A3GALT2: variants seen among roughly 807,000 people sequenced by gnomAD.
A3GALT2 encodes the protein alpha 1,3-galactosyltransferase 2, also known as alpha-1,3-galactosyltransferase 2.
Under a neutral mutation model 16.6 loss-of-function variants are expected in A3GALT2, and 14 were observed. That is an observed-to-expected ratio of 0.84 (90% CI 0.56 to 1.32). The LOEUF (loss-of-function observed/expected upper bound fraction) is 1.32, where lower values mean the gene tolerates loss of function less well. Among genes scored for constraint, A3GALT2 ranks in the 40% most tolerant of loss-of-function variants. The pLI, the probability that A3GALT2 is intolerant of heterozygous loss-of-function variation, is 0.00. For synonymous variants in A3GALT2, 253 were observed against 218.0 expected (o/e 1.16, Z -1.42); for missense variants, 600 against 490.9 (o/e 1.22, Z -2.10).
chr1:33,311,821 A>C (rs1191531413), intron 4 of A3GALT2, among the ~76,000 whole-genome samples: 2 of 152,220 alleles, frequency 1.3e-5, no homozygotes, highest in African/African-American at 4.8e-5. Context: ...TGGTTCTAGA[A>C]CAGCCCTGGC....
chr1:33,308,752 T>TTG (rs1646216727), intron 4 of A3GALT2, among the ~76,000 whole-genome samples: 1 of 72,064 alleles, frequency 1.4e-5, no homozygotes, highest in Non-Finnish European at 2.5e-5. Flanking sequence ...TCAAAGTTGT[T>TTG]TTTTTTTTTT....
intron 1 of A3GALT2, chr1:33,313,767 C>T (rs1029809716): frequency 6.6e-6 from 1 of 152,288 alleles, no homozygotes; most frequent in African/African-American, 2.4e-5. Flanking sequence ...AATCCCAGCT[C>T]CACCACTCAT....
rs1646281373 is a variant in A3GALT2 at position 33,320,548 on chromosome 1, G to T, written c.23+528C>A. 6.6e-6 allele frequency among the ~76,000 whole-genome samples: 1 copy of T among 151,998 alleles called. No individual in the cohort carries two copies. The highest frequency in any genetic ancestry group is 2.4e-5 in the African/African-American group (1 of 41,448). ...CGTGGTCTGTGGAGGCCCCTGATCAGTCCACTCCTCCACATTTCTTGTTCA... is the reference window on the plus strand; with the variant it reads ...CGTGGTCTGTGGAGGCCCCTGATCATTCCACTCCTCCACATTTCTTGTTCA... On this transcript the variant is annotated intron_variant, in intron 1 of 4. Transcript: ENST00000442999. This position sits in a 1 kb window ranked among gnomAD's most constrained non-coding sequence, Gnocchi z 4.3.
At position 33,321,086 on chromosome 1, in the gene A3GALT2, CCTT is replaced by C. The variant is rs1409939938; in HGVS notation, c.10_12del (p.Lys4del). 2 of 1,613,014 alleles carry C rather than the reference CCTT, an allele frequency of 1.2e-6. No homozygotes were observed. Among genetic ancestry groups the C allele is most frequent in the Non-Finnish European group, 1.7e-6 (2 of 1,179,866 alleles). ...ATTGTCCCCCCTCACCTGAGTCCCT[CCTT>C]GAGAGCCATATGGGGAAGCAGGTAG... On this transcript the variant is annotated inframe_deletion, in exon 1 of 5. Coordinates refer to ENST00000442999, the MANE Select transcript of A3GALT2 (RefSeq NM_001080438.1).
chr1:33,309,705 AG>A (rs1399084809), intron 4 of A3GALT2, among the ~76,000 whole-genome samples: 2 of 135,102 alleles, frequency 1.5e-5, no homozygotes, highest in Admixed American at 1.5e-4. Context: ...CATCCCAGAA[AG>A]GGCGGCGGGG....
chr1:33,316,372 G>A (rs1445075669), intron 1 of A3GALT2, among the ~76,000 whole-genome samples: 3 of 152,094 alleles, frequency 2.0e-5, no homozygotes, highest in African/African-American at 4.8e-5. Context: ...GGGTCATGGG[G>A]AGCCCTGAAA....
Position 33,306,968 on chromosome 1 carries a change from C to T in A3GALT2, c.821G>A (p.Gly274Glu). The T allele has an allele frequency of 6.7e-7, 1 of 1,492,330 alleles. No homozygotes were observed. The allele number at this position is 1,492,330 out of a possible 1,614,324, so 92.4% of individuals were successfully genotyped here. Reference sequence around the variant, plus strand: ...GCGCGCGCGGTCCCAGTCCAGGCCCCCCGCACAGTGCGCCGTCAGCCCGCG... The same window carrying T: ...GCGCGCGCGGTCCCAGTCCAGGCCCTCCGCACAGTGCGCCGTCAGCCCGCG... Reference protein sequence around the residue: ...ALRGLTAHCAGGLDWDRARGL... With the variant: ...ALRGLTAHCAEGLDWDRARGL... Residue 274 changes from glycine to glutamate, a missense_variant, in exon 5 of 5, where the codon GGG becomes GAG. Physicochemically the swap from Gly to Glu is moderately conservative, Grantham distance 98. Coordinates refer to ENST00000442999, the MANE Select transcript of A3GALT2 (RefSeq NM_001080438.1).
At chr1:33,311,542 T>C (rs72658217) in intron 4 of A3GALT2, among the ~76,000 whole-genome samples, 14,788 of 152,222 alleles carry the variant, frequency 0.097, 1,017 homozygotes, top group East Asian at 0.27. Flanking sequence ...CTCTGCCCAG[T>C]TCAGATTCAC....
At position 33,306,878 on chromosome 1, in the gene A3GALT2, GC is replaced by G; in HGVS notation, c.910del (p.Ala304ProfsTer?). ...GCAGAACTCGGGCGACAGCACCTTG[GC>G]GGGCTTGTGCAGCCAGAAGAACTTG... is the stretch of plus-strand genomic sequence containing the variant. ...LNKFFWLHKP[A>X]KVLSPEFCWS... On this transcript the variant is annotated frameshift_variant, in exon 5 of 5. Transcript: ENST00000442999. LOFTEE classifies it low-confidence loss of function (END_TRUNC). 6.6e-7 allele frequency: 1 copy of G among 1,520,066 alleles called. No homozygotes were observed. Among genetic ancestry groups the G allele is most frequent in the South Asian group, 1.2e-5 (1 of 81,452 alleles). 94.2% of individuals were successfully genotyped at this position (1,520,066 alleles called of 1,614,324 possible).
intron 4 of A3GALT2, among the ~76,000 whole-genome samples, chr1:33,309,810 A>G (rs1336643929): frequency 2.7e-5 from 4 of 147,574 alleles, no homozygotes; most frequent in Non-Finnish European, 6.0e-5. Context: ...GGCGCTCCTC[A>G]CTTCCCAGAC....
intron 4 of A3GALT2, among the ~76,000 whole-genome samples, chr1:33,309,310 G>A (rs1367915196): frequency 6.6e-6 from 1 of 152,198 alleles, no homozygotes; most frequent in East Asian, 1.9e-4. Context: ...TGGCGGCCAG[G>A]CAGAGGGGCT....
intron 1 of A3GALT2, 59 bp from the exon 2 acceptor site, chr1:33,312,949 A>G (rs560872065): frequency 7.1e-6 from 9 of 1,268,124 alleles, no homozygotes; most frequent in Admixed American, 2.0e-5. Context: ...AAATATTTAT[A>G]TGCACACATA....
intron 4 of A3GALT2, among the ~76,000 whole-genome samples, chr1:33,310,828 A>G (rs966264237): frequency 6.6e-6 from 1 of 152,218 alleles, no homozygotes; most frequent in African/African-American, 2.4e-5. Context: ...CTGGGGCAGG[A>G]ACGCCCTACT....
At chr1:33,308,762 T>TG (rs1646217112) in intron 4 of A3GALT2, among the ~76,000 whole-genome samples, 7 of 111,822 alleles carry the variant, frequency 6.3e-5, no homozygotes, top group African/African-American at 3.6e-4. Flanking sequence ...TTTTTTTTTT[T>TG]TTTTTTTTTT....
chr1:33,308,251 A>G (rs549865073), intron 4 of A3GALT2, among the ~76,000 whole-genome samples: 5 of 150,710 alleles, frequency 3.3e-5, no homozygotes, highest in African/African-American at 4.9e-5. Flanking sequence ...AAGCCTCCAT[A>G]TAAGAAGTCC....
chr1:33,310,125 A>G lies in A3GALT2; in HGVS notation c.335+1927T>C, dbSNP rs565661163. 2.8e-3 allele frequency among the ~76,000 whole-genome samples: 433 copies of G among 152,388 alleles called. 1 individual carries two copies. Among genetic ancestry groups the G allele is most frequent in the Non-Finnish European group, 4.5e-3 (307 of 68,040 alleles). On this transcript the variant is annotated intron_variant, in intron 4 of 4. Coordinates refer to ENST00000442999, the MANE Select transcript of A3GALT2 (RefSeq NM_001080438.1). ...GAGACCAGCCCGGCCAACACGGCGA[A>G]ACTCCGACTCCACCAAAAAATACAA...
chr1:33,308,750 G>GTTGTTTTTTTTTT (rs1646216251), intron 4 of A3GALT2, among the ~76,000 whole-genome samples: 30 of 46,116 alleles, frequency 6.5e-4, no homozygotes, highest in Admixed American at 9.7e-4. Flanking sequence ...TGTCAAAGTT[G>GTTGTTTTTTTTTT]TTTTTTTTTT....
chr1:33,312,628 A>T, intron 2 of A3GALT2, 38 bp from the exon 3 acceptor site: 1 of 1,524,148 alleles, frequency 6.6e-7, no homozygotes, highest in Non-Finnish European at 8.9e-7. Flanking sequence ...GGCAGCCGTG[A>T]GAAGCATGTC....
intron 4 of A3GALT2, 28 bp downstream of exon 4, chr1:33,312,024 C>T (rs1363753555): frequency 6.2e-7 from 1 of 1,612,772 alleles, no homozygotes; most frequent in Non-Finnish European, 8.5e-7. Flanking sequence ...ACAGCTTTGA[C>T]AGCACTGCTC....
Sources: gnomAD v4.1 joint callset for allele counts (sites outside exome capture counted in the v4.1 genomes callset) on GRCh38, gnomAD v4.1.1 for gene constraint, Gnocchi (gnomAD v3.1) non-coding constraint, MANE v1.5 for transcripts, NCBI Gene and HGNC (gene_info 2026-07-23, HGNC 2026-07-21) for gene names.